CMSS1: variants seen among roughly 807,000 people sequenced by gnomAD.
CMSS1 encodes the protein cms1 ribosomal small subunit homolog, also known as protein CMSS1.
A neutral mutation model predicts 43.5 loss-of-function variants in CMSS1; 33 were observed. The observed-to-expected ratio is 0.76, with a 90% CI of 0.57 to 1.01. The LOEUF (loss-of-function observed/expected upper bound fraction) is 1.01, where lower values mean the gene tolerates loss of function less well. CMSS1 is among the 50% of genes least tolerant of loss of function. CMSS1 has a pLI of 0.00. For missense variants in CMSS1, 313 were observed against 326.4 expected, an observed-to-expected ratio of 0.96 and a Z score of 0.32; for synonymous variants, 115 against 117.2, an observed-to-expected ratio of 0.98 and a Z score of 0.12.
At chr3:99,967,871 G>A (rs993118134) in intron 1 of CMSS1, among the ~76,000 whole-genome samples, 1 of 152,194 alleles carries the variant, frequency 6.6e-6, no homozygotes, top group African/African-American at 2.4e-5. Context: ...GCTCAGGAAA[G>A]TTAACCTGGT....
At chr3:99,959,439 C>T (rs767045538) in intron 1 of CMSS1, among the ~76,000 whole-genome samples, 1 of 152,130 alleles carries the variant, frequency 6.6e-6, no homozygotes, top group Non-Finnish European at 1.5e-5. Flanking sequence ...CGTGAGCCAC[C>T]GGGCCTGGCC....
chr3:99,982,999 C>G (rs1356522442), intron 1 of CMSS1, among the ~76,000 whole-genome samples: 1 of 152,092 alleles, frequency 6.6e-6, no homozygotes, highest in Non-Finnish European at 1.5e-5. Context: ...CACATATAAG[C>G]TGTGCTTTTG....
chr3:100,100,928 G>T (rs1160924760), intron 1 of CMSS1, among the ~76,000 whole-genome samples: 1 of 152,130 alleles, frequency 6.6e-6, no homozygotes, highest in Non-Finnish European at 1.5e-5. Context: ...CCAAGATTTA[G>T]CTTCCTTGTG....
chr3:100,176,201 G>A (rs532297942), intron 8 of CMSS1, 126 bp from the exon 9 acceptor site: 28 of 619,198 alleles, frequency 4.5e-5, no homozygotes, highest in Non-Finnish European at 6.9e-5. Context: ...CTTAATGTGC[G>A]GAGATTAGTT....
intron 1 of CMSS1, among the ~76,000 whole-genome samples, chr3:99,921,510 G>A (rs946672811): frequency 6.6e-6 from 1 of 152,208 alleles, no homozygotes; most frequent in Non-Finnish European, 1.5e-5. Flanking sequence ...AGTCACATAT[G>A]CATCAAGGGA....
intron 1 of CMSS1, among the ~76,000 whole-genome samples, chr3:99,901,737 A>G (rs1295337342): frequency 6.6e-6 from 1 of 152,220 alleles, no homozygotes; most frequent in African/African-American, 2.4e-5. Flanking sequence ...ACGGGATGTA[A>G]GTAATGGGTA....
intron 1 of CMSS1, among the ~76,000 whole-genome samples, chr3:100,059,713 T>C (rs779118295): frequency 6.6e-6 from 1 of 152,154 alleles, no homozygotes; most frequent in Non-Finnish European, 1.5e-5. Flanking sequence ...ATTACACAAC[T>C]CCAGCTGACT....
intron 1 of CMSS1, among the ~76,000 whole-genome samples, chr3:100,142,663 A>G (rs1448670418): frequency 1.3e-5 from 2 of 152,182 alleles, no homozygotes; most frequent in African/African-American, 4.8e-5. Flanking sequence ...ATTTTTTAAG[A>G]TCATTCATTG....
chr3:99,849,585 A>C (rs1230509196), intron 1 of CMSS1: 1 of 1,613,658 alleles, frequency 6.2e-7, no homozygotes, highest in Non-Finnish European at 8.5e-7. Context: ...GCCATTGTTC[A>C]TGGCTGGTCT....
chr3:100,156,908 C>T (rs955536093), intron 2 of CMSS1, among the ~76,000 whole-genome samples: 1 of 152,178 alleles, frequency 6.6e-6, no homozygotes, highest in Non-Finnish European at 1.5e-5. Flanking sequence ...AGCCACCACG[C>T]CTGGCTGTTT....
chr3:100,093,428 C>CTTACAAAAAATATATACTTTT (rs775289754), intron 1 of CMSS1, among the ~76,000 whole-genome samples: 1 of 151,966 alleles, frequency 6.6e-6, no homozygotes, highest in East Asian at 1.9e-4. Context: ...CATTATTTTT[C>CTTACAAAAAATATATACTTTT]TTACAAAAAA....
Position 100,172,323 on chromosome 3 carries a change from C to T in CMSS1, c.587C>T (p.Ala196Val), listed in dbSNP as rs767387483. ...KLFAKHIKVQ[A>V]QVKLLEKRVV... is the part of the protein sequence containing the mutation. The stretch of plus-strand genomic sequence containing the variant: ...TCTTTCATCTTGGAACAGGTCCAGG[C>T]GCAGGTAAAGTTGCTGGAGAAGCGT... Residue 196 changes from alanine (A) to valine (V), a missense_variant, in exon 8 of 10, where the codon GCG becomes GTG. Coordinates refer to ENST00000421999, the MANE Select transcript of CMSS1 (RefSeq NM_032359.4). 84 of 1,613,424 alleles carry T rather than the reference C, an allele frequency of 5.2e-5. No homozygotes were observed. The highest frequency in any genetic ancestry group is 1.3e-4 in the African/African-American group (10 of 74,886).
chr3:100,115,886 G>C (rs1254676917), intron 1 of CMSS1, among the ~76,000 whole-genome samples: 1 of 152,092 alleles, frequency 6.6e-6, no homozygotes, highest in Non-Finnish European at 1.5e-5. Flanking sequence ...ATTATGTGTT[G>C]CATTTAGTTG....
At chr3:99,982,786 G>A (rs1223188011) in intron 1 of CMSS1, among the ~76,000 whole-genome samples, 1 of 152,104 alleles carries the variant, frequency 6.6e-6, no homozygotes, top group African/African-American at 2.4e-5. Flanking sequence ...TTTCAAAAAT[G>A]TGCTTATAAA....
chr3:99,819,014 T>G (rs1942380070), intron 1 of CMSS1, among the ~76,000 whole-genome samples: 2 of 152,382 alleles, frequency 1.3e-5, no homozygotes, highest in South Asian at 4.1e-4. Flanking sequence ...TTCATACTTC[T>G]GTCATCCACA....
chr3:100,117,081 A>T (rs1228945442), intron 1 of CMSS1, among the ~76,000 whole-genome samples: 1 of 152,182 alleles, frequency 6.6e-6, no homozygotes, highest in Non-Finnish European at 1.5e-5. Context: ...GAAGAGTTCA[A>T]TTATTTATTC....
intron 1 of CMSS1, among the ~76,000 whole-genome samples, chr3:100,048,057 C>T (rs2065306277): frequency 6.6e-6 from 1 of 152,130 alleles, no homozygotes; most frequent in African/African-American, 2.4e-5. Context: ...GGGACTGTCC[C>T]AGGCAAGCTG....
At chr3:100,015,967 T>C (rs1345744523) in intron 1 of CMSS1, among the ~76,000 whole-genome samples, 1 of 152,222 alleles carries the variant, frequency 6.6e-6, no homozygotes, top group Non-Finnish European at 1.5e-5. Flanking sequence ...CAGATTGCCT[T>C]TTTAATTTTT....
chr3:100,078,182 GAAC>G (rs1303713565), intron 1 of CMSS1, among the ~76,000 whole-genome samples: 4 of 152,018 alleles, frequency 2.6e-5, no homozygotes, highest in African/African-American at 7.2e-5. Context: ...CCATTCCTCA[GAAC>G]AACTAAAGAA....
Sources: allele counts gnomAD v4.1 joint callset (sites outside exome capture counted in the v4.1 genomes callset), GRCh38; gene constraint gnomAD v4.1.1; transcripts MANE v1.5; gene names NCBI Gene and HGNC (gene_info 2026-07-23, HGNC 2026-07-21).